SETDB2: variants seen among roughly 807,000 people sequenced by gnomAD.
SETDB2 encodes SET domain bifurcated histone lysine methyltransferase 2.
SETDB2 carries 56 observed loss-of-function variants against 82.5 expected under a neutral mutation model. The observed-to-expected ratio is 0.68, with a 90% CI of 0.55 to 0.85. SETDB2 has a LOEUF of 0.85. SETDB2 is among the 40% of genes least tolerant of loss of function. The probability of loss-of-function intolerance (pLI) is 0.00; values close to 1 mark genes in which losing one functional copy is unlikely to be tolerated. For missense variants in SETDB2, 677 were observed against 816.4 expected, an observed-to-expected ratio of 0.83 and a Z score of 2.08; for synonymous variants, 272 against 284.9, an observed-to-expected ratio of 0.95 and a Z score of 0.46.
At chr13:49,483,879 C>T (rs1229878179) in intron 10 of SETDB2, among the ~76,000 whole-genome samples, 1 of 152,078 alleles carries the variant, frequency 6.6e-6, no homozygotes, top group Non-Finnish European at 1.5e-5. Flanking sequence ...CTCAGCCTCC[C>T]AAAGTTCTGG....
At chr13:49,488,808 T>C (rs565580241) in intron 12 of SETDB2, among the ~76,000 whole-genome samples, 178 bp downstream of exon 12, 130 of 152,338 alleles carry the variant, frequency 8.5e-4, no homozygotes, top group Non-Finnish European at 1.5e-3. Context: ...TTTCTACCTC[T>C]GTAATACAGG....
intron 5 of SETDB2, 68 bp downstream of exon 5, chr13:49,468,028 A>G: frequency 9.1e-7 from 1 of 1,104,382 alleles, no homozygotes; most frequent in Non-Finnish European, 1.3e-6. Context: ...AAATCACTTG[A>G]CATTAGAATA....
rs574278766 is a variant in SETDB2 at position 49,483,728 on chromosome 13, G to A, written c.1482+165G>A. 6.6e-5 allele frequency among the ~76,000 whole-genome samples: 9 copies of A among 135,888 alleles called. No individual in the cohort carries two copies. In the East Asian group the frequency reaches 1.2e-3, roughly 18 times the overall value. 89.1% of individuals were successfully genotyped at this position (135,888 alleles called of 152,430 possible). Reference sequence around the variant, plus strand: ...ACTGCAGCCACAATCTCCTGGGCTCGAGTATCCTCCTCCCTCAGCCTCCCG... The same window carrying A: ...ACTGCAGCCACAATCTCCTGGGCTCAAGTATCCTCCTCCCTCAGCCTCCCG... On this transcript the variant is annotated intron_variant, in intron 10 of 13. Transcript: ENST00000611815.
intron 5 of SETDB2, among the ~76,000 whole-genome samples, chr13:49,474,021 G>A (rs1958302620): frequency 6.6e-6 from 1 of 152,190 alleles, no homozygotes; most frequent in Admixed American, 6.5e-5. Context: ...CAGCACTTTG[G>A]GAGGCCGAGG....
Position 49,488,596 on chromosome 13 carries a change from C to T in SETDB2, c.1883C>T (p.Ala628Val). 1 of 1,601,762 alleles carries T rather than the reference C, an allele frequency of 6.2e-7. No individual in the cohort carries two copies. Among genetic ancestry groups the T allele is most frequent in the Non-Finnish European group, 8.5e-7 (1 of 1,174,862 alleles). The change falls in exon 12 of 14, where the codon GCC (alanine) becomes GTC (valine). Residue 628 changes from alanine (A) to valine (V), a missense_variant. Around this residue, in one of 3 missense-constraint regions of SETDB2, gnomAD observed 420 missense variants for 554.6 expected, o/e 0.76. Coordinates refer to ENST00000611815, the MANE Select transcript of SETDB2 (RefSeq NM_001160308.3). ...AAAGGGAATGTGTTTTTATTGGATG[C>T]CACAAAAGAAGGAAATGTCGGCCGC... ...FNKGNVFLLD[A>V]TKEGNVGRFL...
intron 7 of SETDB2, 29 bp downstream of exon 7, chr13:49,480,364 G>A (rs780720986): frequency 1.4e-6 from 2 of 1,403,756 alleles, no homozygotes; most frequent in Non-Finnish European, 9.8e-7. Flanking sequence ...TTGTTGCAGG[G>A]TGTGTATATC....
chr13:49,460,524 A>G (rs1957971881), intron 3 of SETDB2, among the ~76,000 whole-genome samples: 1 of 152,174 alleles, frequency 6.6e-6, no homozygotes, highest in South Asian at 2.1e-4. Flanking sequence ...GTTTTTTCAT[A>G]TGTATGTGTA....
Position 49,493,960 on chromosome 13 carries a change from G to C in SETDB2, c.*2111G>C, listed in dbSNP as rs1005726128. ...ATCCTTTGTACTAGGTGCCTGGTGG[G>C]ATCATTCCGTCTGAAACTAATGATT... On this transcript the variant is annotated 3_prime_UTR_variant, in exon 14 of 14. Transcript: ENST00000611815. 6.6e-6 allele frequency: 1 copy of C among 152,200 alleles called. No individual in the cohort carries two copies. The highest frequency in any genetic ancestry group is 1.5e-5 in the Non-Finnish European group (1 of 68,062). The allele number at this position is 152,200 out of a possible 1,614,324, so 9.4% of individuals were successfully genotyped here. A position where few individuals can be genotyped will look rare whatever the true frequency, so the allele number is the denominator to read the frequency against.
At chr13:49,470,182 A>G (rs1958199051) in intron 5 of SETDB2, among the ~76,000 whole-genome samples, 1 of 152,190 alleles carries the variant, frequency 6.6e-6, no homozygotes, top group Non-Finnish European at 1.5e-5. Context: ...AGGACTGTTT[A>G]TGATTATATA....
At chr13:49,462,460 C>G (rs1958016188) in intron 4 of SETDB2, among the ~76,000 whole-genome samples, 1 of 152,192 alleles carries the variant, frequency 6.6e-6, no homozygotes, top group Non-Finnish European at 1.5e-5. Context: ...GTGCTCCTCT[C>G]ATACCTGTTA....
At chr13:49,463,275 T>C (rs948904375) in intron 4 of SETDB2, among the ~76,000 whole-genome samples, 1 of 151,988 alleles carries the variant, frequency 6.6e-6, no homozygotes, top group African/African-American at 2.4e-5. Context: ...CCTCCCAAAG[T>C]GCTGGGATTA....
At chr13:49,452,363 G>T (rs1957802646) in intron 2 of SETDB2, among the ~76,000 whole-genome samples, 2 of 152,070 alleles carry the variant, frequency 1.3e-5, no homozygotes. Context: ...TGTCCACCTT[G>T]GCCTCCCAAA....
At chr13:49,471,420 CTTT>C (rs200346844) in intron 5 of SETDB2, among the ~76,000 whole-genome samples, 35 of 132,730 alleles carry the variant, frequency 2.6e-4, no homozygotes, top group Admixed American at 2.3e-4. Flanking sequence ...TCTGAATTCC[CTTT>C]TTTTTTTTTT....
At chr13:49,482,061 T>TC in intron 8 of SETDB2, 1 of 985,384 alleles carries the variant, frequency 1.0e-6, no homozygotes, top group South Asian at 4.7e-5. Context: ...GCCTAGACGT[T>TC]CATCTCTCAT....
At chr13:49,460,548 C>A (rs1543513) in intron 3 of SETDB2, among the ~76,000 whole-genome samples, 79,562 of 151,888 alleles carry the variant, frequency 0.52, 20,941 homozygotes, top group Middle Eastern at 0.57. Context: ...GTACATATAA[C>A]TTTATTTTGC....
intron 2 of SETDB2, among the ~76,000 whole-genome samples, chr13:49,452,194 C>T (rs947187852): frequency 6.6e-6 from 1 of 151,942 alleles, no homozygotes; most frequent in Non-Finnish European, 1.5e-5. Context: ...TCACTGCAAC[C>T]TCTGCCTCCT....
At chr13:49,472,863 T>C (rs866717933) in intron 5 of SETDB2, among the ~76,000 whole-genome samples, 1 of 152,224 alleles carries the variant, frequency 6.6e-6, no homozygotes, top group African/African-American at 2.4e-5. Flanking sequence ...AATTGCTCAG[T>C]AACTAGAGTC....
chr13:49,476,381 A>G, intron 5 of SETDB2, 95 bp from the exon 6 acceptor site: 2 of 821,618 alleles, frequency 2.4e-6, no homozygotes, highest in South Asian at 3.7e-5. Context: ...GCTTATTTTA[A>G]TATTGTCTAA....
intron 8 of SETDB2, 76 bp from the exon 9 acceptor site, chr13:49,482,661 G>A: frequency 1.1e-6 from 1 of 930,498 alleles, no homozygotes; most frequent in Non-Finnish European, 1.6e-6. Context: ...TAGTCATGGA[G>A]TAGAAATAGA....
Sources: allele counts gnomAD v4.1 joint callset (sites outside exome capture counted in the v4.1 genomes callset), GRCh38; gene constraint gnomAD v4.1.1; regional missense constraint gnomAD v4.1.1; transcripts MANE v1.5; gene names NCBI Gene and HGNC (gene_info 2026-07-23, HGNC 2026-07-21).